The following TESC variants were observed in gnomAD, a reference collection of about 807,000 sequenced individuals.
The protein encoded by TESC is calcineurin B homologous protein 3.
In TESC, 19 loss-of-function variants were observed where a neutral mutation model predicts 31.0. That is an observed-to-expected ratio of 0.61 (90% CI 0.43 to 0.90). TESC has a LOEUF of 0.90. TESC is among the 40% of genes least tolerant of loss of function. TESC has a pLI of 0.00. For missense variants in TESC, 248 were observed against 303.8 expected, an observed-to-expected ratio of 0.82 and a Z score of 1.36; for synonymous variants, 109 against 114.8, an observed-to-expected ratio of 0.95 and a Z score of 0.32.
At chr12:117,065,640 G>C (rs1954867614) in intron 2 of TESC, among the ~76,000 whole-genome samples, 1 of 152,296 alleles carries the variant, frequency 6.6e-6, no homozygotes, top group South Asian at 2.1e-4. Context: ...TATAATTTCA[G>C]CACTTTGGGA....
intron 2 of TESC, among the ~76,000 whole-genome samples, chr12:117,058,322 C>T (rs913161234): frequency 2.0e-5 from 3 of 152,064 alleles, no homozygotes; most frequent in African/African-American, 7.2e-5. Context: ...ATTCCATTTA[C>T]ATGAATTATC....
chr12:117,045,215 C>T (rs1954540117), intron 6 of TESC, among the ~76,000 whole-genome samples: 1 of 152,206 alleles, frequency 6.6e-6, no homozygotes, highest in Non-Finnish European at 1.5e-5. Context: ...TTCCTGGTTC[C>T]AGGGCTACCC....
At chr12:117,052,850 C>T (rs557906859) in intron 3 of TESC, among the ~76,000 whole-genome samples, 1 of 152,154 alleles carries the variant, frequency 6.6e-6, no homozygotes, top group Non-Finnish European at 1.5e-5. Context: ...CCAGCCCCCA[C>T]CTTCTCACGC....
At chr12:117,098,159 T>C (rs916591719) in intron 1 of TESC, among the ~76,000 whole-genome samples, 2 of 152,252 alleles carry the variant, frequency 1.3e-5, no homozygotes. Flanking sequence ...TGATCAATAC[T>C]GGACGCTGGT....
At chr12:117,068,666 C>G (rs1954919843) in intron 2 of TESC, among the ~76,000 whole-genome samples, 2 of 152,184 alleles carry the variant, frequency 1.3e-5, no homozygotes, top group African/African-American at 4.8e-5. Flanking sequence ...AGCATGGAGT[C>G]CCTTTTTTTT....
intron 1 of TESC, 116 bp downstream of exon 1, chr12:117,099,109 A>G (rs1955437028): frequency 5.3e-6 from 6 of 1,134,980 alleles, no homozygotes; most frequent in South Asian, 1.8e-5. Flanking sequence ...ACTGAGGCGC[A>G]GAGAGGGCCC....
At chr12:117,090,269 AC>A (rs1955288809) in intron 1 of TESC, among the ~76,000 whole-genome samples, 1 of 152,250 alleles carries the variant, frequency 6.6e-6, no homozygotes, top group African/African-American at 2.4e-5. Context: ...GTTCTTAAGT[AC>A]TATGGAGTGA....
At chr12:117,083,712 G>T (rs1955179236) in intron 1 of TESC, among the ~76,000 whole-genome samples, 1 of 152,226 alleles carries the variant, frequency 6.6e-6, no homozygotes, top group African/African-American at 2.4e-5. Context: ...AAATGAAGTA[G>T]ATTGATGGTT....
At chr12:117,055,974 G>A (rs1178253358) in intron 3 of TESC, among the ~76,000 whole-genome samples, 4 of 149,394 alleles carry the variant, frequency 2.7e-5, no homozygotes, top group Non-Finnish European at 5.9e-5. Flanking sequence ...AGGCTGGAGT[G>A]CGGTGGCATA....
chr12:117,074,495 TC>T (rs917750291), intron 2 of TESC, among the ~76,000 whole-genome samples: 1 of 152,182 alleles, frequency 6.6e-6, no homozygotes, highest in African/African-American at 2.4e-5. Flanking sequence ...AGGTTGATTT[TC>T]CTTAACAGAA....
chr12:117,071,609 G>A (rs539296385), intron 2 of TESC, among the ~76,000 whole-genome samples: 2 of 152,332 alleles, frequency 1.3e-5, no homozygotes, highest in African/African-American at 4.8e-5. Flanking sequence ...CTGCTCACTA[G>A]CTCCTTTGAA....
intron 6 of TESC, among the ~76,000 whole-genome samples, chr12:117,042,975 C>A (rs750279426): frequency 3.3e-5 from 5 of 151,870 alleles, no homozygotes; most frequent in Non-Finnish European, 7.4e-5. Context: ...CAACCTCAGG[C>A]AAAAATGGGT....
intron 4 of TESC, 101 bp from the exon 5 acceptor site, chr12:117,046,939 A>C: frequency 4.0e-6 from 5 of 1,252,660 alleles, no homozygotes; most frequent in Non-Finnish European, 5.6e-6. Flanking sequence ...CAATAACCAA[A>C]CCTCAATGCC....
intron 1 of TESC, among the ~76,000 whole-genome samples, chr12:117,087,889 C>T (rs1173675595): frequency 2.0e-5 from 3 of 152,202 alleles, no homozygotes; most frequent in African/African-American, 7.2e-5. Flanking sequence ...AACATTTACC[C>T]AGAGGCTAGG....
rs145432155 is a variant in TESC at position 117,043,044 on chromosome 12, C to A, written c.520-1050G>T. On this transcript the variant is annotated intron_variant, in intron 6 of 7. Coordinates refer to ENST00000335209, the MANE Select transcript of TESC (RefSeq NM_017899.4). ...AAAAGGCTCTGAGATGTGTACCCAG[C>A]AGATAAAGAACAAAAAACAAAACCC... Among the ~76,000 whole-genome samples the A allele has an allele frequency of 3.8e-4, 57 of 151,956 alleles. No homozygotes were observed. The East Asian group carries it at 9.7e-3, about 26-fold the overall frequency.
rs1954608657 is a variant in TESC at position 117,049,030 on chromosome 12, T to A, written c.338A>T (p.Glu113Val). 9.3e-6 allele frequency: 15 copies of A among 1,614,150 alleles called. No individual in the cohort carries two copies. Among genetic ancestry groups the A allele is most frequent in the Non-Finnish European group, 1.3e-5 (15 of 1,180,022 alleles). ...DEEQVELSRK[E>V]KLRFLFHMYD... is the part of the protein sequence containing the mutation. ...TCAGTGGCACGCACATCTCAGCTTCTCCTTCCGGGACAGCTCCACCTGTTC... is the reference window on the plus strand; with the variant it reads ...TCAGTGGCACGCACATCTCAGCTTCACCTTCCGGGACAGCTCCACCTGTTC... Residue 113 changes from glutamate to valine, a missense_variant, in exon 4 of 8, where the codon GAG becomes GTG. By Grantham distance (121) the Glu-to-Val change is moderately radical. Coordinates refer to ENST00000335209, the MANE Select transcript of TESC (RefSeq NM_017899.4).
chr12:117,057,959 C>T (rs544415951), intron 2 of TESC, among the ~76,000 whole-genome samples: 1 of 152,278 alleles, frequency 6.6e-6, no homozygotes, highest in South Asian at 2.1e-4. Context: ...GTAGCTCACA[C>T]CTGTAATCCC....
At chr12:117,046,732 G>T (rs755760917) in intron 5 of TESC, 45 bp downstream of exon 5, 3 of 1,554,096 alleles carry the variant, frequency 1.9e-6, no homozygotes, top group Non-Finnish European at 1.7e-6. Flanking sequence ...GGGCAGAGGG[G>T]GAAGGCACCA....
chr12:117,038,965 C>CAGCGAAGTCCCACATACCATA lies in TESC; in HGVS notation c.*147_*167dup. Reference sequence around the variant, plus strand: ...TTTTTTTTTTTATTGGAGATAAAAACAGCGAAGTCCCACATACCATACCCT... The same window carrying CAGCGAAGTCCCACATACCATA: ...TTTTTTTTTTTATTGGAGATAAAAACAGCGAAGTCCCACATACCATAAGCGAAGTCCCACATACCATACCCT... On this transcript the variant is annotated 3_prime_UTR_variant, in exon 8 of 8. Transcript: ENST00000335209. 1 of 510,608 alleles carries CAGCGAAGTCCCACATACCATA rather than the reference C, an allele frequency of 2.0e-6. No homozygotes were observed. The highest frequency in any genetic ancestry group is 3.4e-6 in the Non-Finnish European group (1 of 297,326). 31.6% of individuals were successfully genotyped at this position (510,608 alleles called of 1,614,324 possible). A position where few individuals can be genotyped will look rare whatever the true frequency, so the allele number is the denominator to read the frequency against.
Sources: allele counts gnomAD v4.1 joint callset (sites outside exome capture counted in the v4.1 genomes callset), GRCh38; gene constraint gnomAD v4.1.1; transcripts MANE v1.5; gene names NCBI Gene and HGNC (gene_info 2026-07-23, HGNC 2026-07-21).